Variants in RBM4B observed in about 807,000 individuals in gnomAD.
RBM4B encodes RNA-binding protein 4B.
In RBM4B, 13 loss-of-function variants were observed where a neutral mutation model predicts 28.5. The observed-to-expected ratio is 0.46, with a 90% CI of 0.30 to 0.72. The LOEUF is 0.72. Among genes scored for constraint, RBM4B ranks in the 30% least tolerant of loss-of-function variants. RBM4B has a pLI of 0.09. For synonymous variants in RBM4B, 167 were observed against 179.1 expected, an observed-to-expected ratio of 0.93 and a Z score of 0.54; for missense variants, 387 against 477.6, an observed-to-expected ratio of 0.81 and a Z score of 1.77.
At chr11:66,665,986 G>T (rs1380202975) in intron 3 of RBM4B, 1 of 1,485,838 alleles carries the variant, frequency 6.7e-7, no homozygotes, top group Non-Finnish European at 9.0e-7. Flanking sequence ...ATGGCGAATT[G>T]CACTATTCTA....
chr11:66,673,074 A>C (rs1457916246), intron 2 of RBM4B, among the ~76,000 whole-genome samples: 2 of 152,222 alleles, frequency 1.3e-5, no homozygotes, highest in East Asian at 3.9e-4. Context: ...GAAGTGGGAA[A>C]CTTGGGGTCT....
intron 2 of RBM4B, 154 bp downstream of exon 2, chr11:66,676,514 G>A: frequency 1.1e-6 from 1 of 898,088 alleles, no homozygotes; most frequent in African/African-American, 1.7e-5. Flanking sequence ...GCTTCCCCAG[G>A]GGTAAATTAT....
At position 66,677,292 on chromosome 11, in the gene RBM4B, G is replaced by A. The variant is rs945989489; in HGVS notation, c.-12-201C>T. ...CGTGACATGCAAACAGGAGGTCGAG[G>A]GTCAGCATGCATAGCCCAGTCTATC... On this transcript the variant is annotated intron_variant, in intron 1 of 3. Coordinates refer to ENST00000310046, the MANE Select transcript of RBM4B (RefSeq NM_031492.4). The A allele has an allele frequency of 7.8e-6, 5 of 640,898 alleles. No individual in the cohort carries two copies. The Admixed American group carries it at 1.2e-4, about 15-fold the overall frequency. The allele number at this position is 640,898 out of a possible 1,614,324, so 39.7% of individuals were successfully genotyped here.
chr11:66,669,893 G>C (rs1485070890), intron 2 of RBM4B, among the ~76,000 whole-genome samples: 1 of 152,192 alleles, frequency 6.6e-6, no homozygotes, highest in Non-Finnish European at 1.5e-5. Flanking sequence ...ACAACAATTG[G>C]AAAAGTTTCC....
At chr11:66,672,620 C>T (rs533612360) in intron 2 of RBM4B, among the ~76,000 whole-genome samples, 326 of 151,548 alleles carry the variant, frequency 2.2e-3, no homozygotes, top group African/African-American at 7.4e-3. Flanking sequence ...CTCAGCCTCC[C>T]GAGTAGCTGG....
intron 2 of RBM4B, among the ~76,000 whole-genome samples, chr11:66,674,566 T>C (rs1939582333): frequency 6.7e-6 from 1 of 149,408 alleles, no homozygotes; most frequent in South Asian, 2.1e-4. Context: ...AATATATATA[T>C]GGTTTTTTTT....
chr11:66,666,073 C>T (rs558599631), intron 3 of RBM4B: 1 of 1,024,138 alleles, frequency 9.8e-7, no homozygotes, highest in Non-Finnish European at 1.4e-6. Flanking sequence ...TATCAAGGAG[C>T]AGCCAGTCAT....
intron 3 of RBM4B, 110 bp downstream of exon 3, chr11:66,668,504 CT>C: frequency 1.2e-6 from 1 of 803,134 alleles, no homozygotes; most frequent in Non-Finnish European, 2.0e-6. Context: ...TAATTTGCAC[CT>C]TTTGGATACT....
At chr11:66,666,405 T>C (rs1939232302) in intron 3 of RBM4B, 7 of 990,740 alleles carry the variant, frequency 7.1e-6, no homozygotes, top group Non-Finnish European at 8.4e-6. Flanking sequence ...CCAACAGTTC[T>C]GGAGTATTTC....
chr11:66,668,189 T>A (rs1315324740), intron 3 of RBM4B: 1 of 165,168 alleles, frequency 6.1e-6, no homozygotes, highest in African/African-American at 2.4e-5. Flanking sequence ...TACCTTTCAT[T>A]TATCAAATGA....
chr11:66,676,833 C>T lies in RBM4B; in HGVS notation c.247G>A (p.Gly83Ser), dbSNP rs1294813475. ...KSKASTKLHV[G>S]NISPTCTNQE... Reference sequence around the variant, plus strand: ...TTGGTACAAGTGGGGCTGATGTTACCCACGTGTAACTTGGTTGAAGCTTTG... The same window carrying T: ...TTGGTACAAGTGGGGCTGATGTTACTCACGTGTAACTTGGTTGAAGCTTTG... The change falls in exon 2 of 4, where the codon GGT (glycine) becomes AGT (serine). Residue 83 changes from glycine (G) to serine (S), a missense_variant. This residue lies in a region of RBM4B where 161 missense variants were observed against 256.9 expected (regional missense o/e 0.63). Transcript: ENST00000310046. 1 of 1,614,050 alleles carries T rather than the reference C, an allele frequency of 6.2e-7. No homozygotes were observed. Among genetic ancestry groups the T allele is most frequent in the African/African-American group, 1.3e-5 (1 of 74,902 alleles).
rs1939186843 is a variant in RBM4B, at chr11:66,665,349, G to A, written c.*239C>T. ...GGATGCCAGCATAATCCTTACCTAG[G>A]GCTGCTCAGAGGCTGAGAATATAAG... On this transcript the variant is annotated 3_prime_UTR_variant, in exon 4 of 4. Transcript: ENST00000310046. The A allele has an allele frequency of 1.6e-5, 9 of 579,584 alleles. No individual in the cohort carries two copies. The highest frequency in any genetic ancestry group is 2.8e-5 in the Non-Finnish European group (9 of 326,680). The allele number at this position is 579,584 out of a possible 1,614,324, so 35.9% of individuals were successfully genotyped here. A position where few individuals can be genotyped will look rare whatever the true frequency, so the allele number is the denominator to read the frequency against.
chr11:66,672,498 A>AT (rs551111886), intron 2 of RBM4B, among the ~76,000 whole-genome samples: 6,812 of 136,906 alleles, frequency 0.05, 206 homozygotes, highest in Middle Eastern at 0.096. Context: ...ATTTTTATTA[A>AT]TTTTTTTGGG....
intron 3 of RBM4B, chr11:66,667,578 ATTCAACT>A (rs1355936980): frequency 6.6e-6 from 1 of 152,196 alleles, no homozygotes; most frequent in East Asian, 1.9e-4. Context: ...ACATCAAAAC[ATTCAACT>A]TTCAAGTAAA....
chr11:66,666,423 C>T (rs1171113832), intron 3 of RBM4B: 4 of 988,116 alleles, frequency 4.0e-6, no homozygotes, highest in African/African-American at 3.5e-5. Context: ...TTCATCCTGG[C>T]AGCCTCATTA....
rs755176171 is a variant in RBM4B, at chr11:66,665,447, A to C, written c.*141T>G. On this transcript the variant is annotated 3_prime_UTR_variant, in exon 4 of 4. Transcript: ENST00000310046. ...TCAACTTAGAAGAATTAAGAAAGAA[A>C]ACATAGTTGGTCACAAACTCCTTTT... 18 of 733,206 alleles carry C rather than the reference A, an allele frequency of 2.5e-5. No homozygotes were observed. The highest frequency in any genetic ancestry group is 4.0e-5 in the Non-Finnish European group (17 of 426,158). The allele number at this position is 733,206 out of a possible 1,614,324, so 45.4% of individuals were successfully genotyped here.
rs578098406 is a variant in RBM4B at position 66,673,127 on chromosome 11, T to A, written c.412+3541A>T. On this transcript the variant is annotated intron_variant, in intron 2 of 3. Transcript: ENST00000310046. Reference sequence around the variant, plus strand: ...TCAAGTGCCATGATCCAGAAAAGACTGGGGATGTAGCTAATACAGAGTAGT... The same window carrying A: ...TCAAGTGCCATGATCCAGAAAAGACAGGGGATGTAGCTAATACAGAGTAGT... 1.1e-4 allele frequency among the ~76,000 whole-genome samples: 16 copies of A among 152,038 alleles called. No individual in the cohort carries two copies. The South Asian group carries it at 2.7e-3, about 26-fold the overall frequency.
chr11:66,676,300 C>T, intron 2 of RBM4B: 1 of 398,142 alleles, frequency 2.5e-6, no homozygotes, highest in Non-Finnish European at 4.5e-6. Flanking sequence ...AAATATAAGG[C>T]TTCCTGATCA....
chr11:66,670,894 T>TC lies in RBM4B; in HGVS notation c.413-1604dup, dbSNP rs1565094456. 1.4e-5 allele frequency: 10 copies of TC among 701,534 alleles called. No homozygotes were observed. In the East Asian group the frequency reaches 2.7e-4, roughly 19 times the overall value. 43.5% of individuals were successfully genotyped at this position (701,534 alleles called of 1,614,324 possible). ...ACTCTTAAGGACTGCTGAGAACAAA[T>TC]CCCCCCTCTGCAATCAGCAAGTTGC... On this transcript the variant is annotated intron_variant, in intron 2 of 3. Transcript: ENST00000310046.
Sources: gnomAD v4.1 joint callset for allele counts (sites outside exome capture counted in the v4.1 genomes callset) on GRCh38, gnomAD v4.1.1 for gene constraint, gnomAD v4.1.1 regional missense constraint, MANE v1.5 for transcripts, NCBI Gene and HGNC (gene_info 2026-07-23, HGNC 2026-07-21) for gene names.